Variants in ACSM2B observed in about 807,000 individuals in gnomAD.
The protein encoded by ACSM2B is acyl-coenzyme A synthetase ACSM2B, mitochondrial.
In ACSM2B, 58 loss-of-function variants were observed where a neutral mutation model predicts 78.6. That is an observed-to-expected ratio of 0.74 (90% CI 0.60 to 0.92). The LOEUF (loss-of-function observed/expected upper bound fraction) is 0.92. Ranked by LOEUF, ACSM2B falls within the 40% of genes least tolerant of loss-of-function variation. The probability of loss-of-function intolerance (pLI) is 0.00; values close to 1 mark genes in which losing one functional copy is unlikely to be tolerated. For synonymous variants in ACSM2B, 257 were observed against 256.8 expected (o/e 1.00, Z -0.01); for missense variants, 688 against 711.2 (o/e 0.97, Z 0.37).
chr16:20,553,493 G>C (rs1447908279), intron 5 of ACSM2B, among the ~76,000 whole-genome samples: 1 of 152,208 alleles, frequency 6.6e-6, no homozygotes, highest in Non-Finnish European at 1.5e-5. Context: ...ATAGAGATCA[G>C]CCTGGGGAAA....
chr16:20,573,993 G>T (rs535720226), intron 1 of ACSM2B: 1 of 151,746 alleles, frequency 6.6e-6, no homozygotes, highest in Admixed American at 6.6e-5. Flanking sequence ...GAATTTACCC[G>T]GCTGGAATTT....
intron 8 of ACSM2B, chr16:20,547,064 G>A: frequency 1.1e-6 from 1 of 940,076 alleles, no homozygotes; most frequent in Non-Finnish European, 1.3e-6. Flanking sequence ...ATGCCTCACT[G>A]ACAGAGACAC....
In ACSM2B at chr16:20,537,305, G is replaced by C; in HGVS notation, c.1687C>G (p.Leu563Val). 6.2e-7 allele frequency: 1 copy of C among 1,614,062 alleles called. No individual in the cohort carries two copies. ...TVTGKIQRTK[L>V]RDKEWKMSGK... ...GACATCTTCCACTCCTTGTCTCGAA[G>C]TTTGGTTCGTTGAATTTTCCCTGTG... Residue 563 changes from leucine to valine, a missense_variant, in exon 14 of 14, where the codon CTT (leucine) becomes GTT (valine). Transcript: ENST00000329697.
At chr16:20,537,717 T>A (rs2014883336) in intron 13 of ACSM2B, among the ~76,000 whole-genome samples, 1 of 152,170 alleles carries the variant, frequency 6.6e-6, no homozygotes, top group Non-Finnish European at 1.5e-5. Flanking sequence ...GACTCAGTTT[T>A]CCCACTGAGT....
chr16:20,538,584 G>A (rs2152130222), intron 13 of ACSM2B, among the ~76,000 whole-genome samples: 1 of 152,242 alleles, frequency 6.6e-6, no homozygotes, highest in East Asian at 1.9e-4. Context: ...TGAAAGGAGG[G>A]GGAGGGTGCA....
At chr16:20,574,970 G>A (rs1379681206) in intron 1 of ACSM2B, among the ~76,000 whole-genome samples, 4 of 147,002 alleles carry the variant, frequency 2.7e-5, no homozygotes, top group African/African-American at 5.3e-5. Context: ...TATGGTCAAA[G>A]GTATGATGTA....
At position 20,537,247 on chromosome 16, in the gene ACSM2B, T is replaced by A. The variant is rs1280463693; in HGVS notation, c.*11A>T. 1.2e-6 allele frequency: 2 copies of A among 1,613,742 alleles called. No individual in the cohort carries two copies. The highest frequency in any genetic ancestry group is 1.7e-6 in the Non-Finnish European group (2 of 1,179,632). On this transcript the variant is annotated 3_prime_UTR_variant, in exon 14 of 14. Transcript: ENST00000329697. ...GAAGAGGGGAATCCAAATGAATGTC[T>A]CCTAGACGCCTCACTGCGCACGGGC... is the stretch of plus-strand genomic sequence containing the variant.
At chr16:20,560,559 A>G (rs1410977009) in intron 2 of ACSM2B, among the ~76,000 whole-genome samples, 4 of 152,088 alleles carry the variant, frequency 2.6e-5, no homozygotes, top group Admixed American at 2.6e-4. Flanking sequence ...CACTGTGCAG[A>G]ACTTTGGGCC....
intron 2 of ACSM2B, among the ~76,000 whole-genome samples, chr16:20,563,435 C>A (rs1488828238): frequency 2.6e-5 from 4 of 151,954 alleles, no homozygotes; most frequent in Non-Finnish European, 5.9e-5. Context: ...TTTCATTAGT[C>A]ATTTATTTTG....
At chr16:20,572,287 T>C (rs1386262649) in intron 1 of ACSM2B, among the ~76,000 whole-genome samples, 2 of 145,942 alleles carry the variant, frequency 1.4e-5, no homozygotes, top group African/African-American at 5.2e-5. Context: ...GTGAATTCTC[T>C]CAGTATTTCT....
intron 1 of ACSM2B, among the ~76,000 whole-genome samples, chr16:20,573,540 C>T (rs1218353704): frequency 7.1e-6 from 1 of 140,618 alleles, no homozygotes; most frequent in Non-Finnish European, 1.5e-5. Flanking sequence ...CCCAGCTTCA[C>T]CAGTGTCCTC....
rs560037602 is a variant in ACSM2B, at chr16:20,564,732, C to T, written c.114G>A (p.Gln38=). 1 of 1,613,550 alleles carries T rather than the reference C, an allele frequency of 6.2e-7. No individual in the cohort carries two copies. Among genetic ancestry groups the T allele is most frequent in the Non-Finnish European group, 8.5e-7 (1 of 1,179,732 alleles). The change falls in exon 2 of 14, where the codon CAG becomes CAA. Residue 38 remains glutamine, a synonymous_variant. Coordinates refer to ENST00000329697, the MANE Select transcript of ACSM2B (RefSeq NM_001105069.2). ...CAAAGTTAAACTTGGCCGGCACTTC[C>T]TGGTGGCCCCACTGCAGGGACACCA... is the stretch of plus-strand genomic sequence containing the variant. ...RQLVSLQWGH[Q]EVPAKFNFAS... is the part of the protein sequence containing the mutation.
At chr16:20,552,075 A>T in intron 6 of ACSM2B, 69 bp downstream of exon 6, 1 of 1,526,494 alleles carries the variant, frequency 6.6e-7, no homozygotes, top group Non-Finnish European at 8.8e-7. Context: ...GAAACAAACT[A>T]CAAAAAATTG....
chr16:20,563,173 G>C (rs1195624037), intron 2 of ACSM2B, among the ~76,000 whole-genome samples: 1 of 152,092 alleles, frequency 6.6e-6, no homozygotes, highest in Non-Finnish European at 1.5e-5. Flanking sequence ...ACAACCTTTT[G>C]TATTTGACTA....
chr16:20,544,825 A>C (rs986579032), intron 10 of ACSM2B: 78 of 1,012,328 alleles, frequency 7.7e-5, no homozygotes, highest in Non-Finnish European at 8.8e-5. Flanking sequence ...GATGATACCT[A>C]GGGGAGAGGG....
chr16:20,566,633 AG>A (rs1212861936), intron 1 of ACSM2B, among the ~76,000 whole-genome samples: 6 of 59,928 alleles, frequency 1.0e-4, no homozygotes, highest in East Asian at 1.9e-3. Flanking sequence ...TACTATATAT[AG>A]TATATATATA....
At chr16:20,570,556 G>C (rs2016064597) in intron 1 of ACSM2B, among the ~76,000 whole-genome samples, 1 of 151,740 alleles carries the variant, frequency 6.6e-6, no homozygotes, top group Non-Finnish European at 1.5e-5. Context: ...GTTTGGGTAT[G>C]AGGGTAATAC....
At chr16:20,547,817 A>T in intron 8 of ACSM2B, 1 of 1,063,526 alleles carries the variant, frequency 9.4e-7, no homozygotes. Context: ...GCCATGCTAG[A>T]TATTTCTTAG....
chr16:20,542,799 G>A, intron 12 of ACSM2B, 115 bp downstream of exon 12: 1 of 1,352,020 alleles, frequency 7.4e-7, no homozygotes, highest in Non-Finnish European at 1.0e-6. Flanking sequence ...GTAAGTGGCA[G>A]GGCCAAGATT....
Sources: allele counts gnomAD v4.1 joint callset (sites outside exome capture counted in the v4.1 genomes callset), GRCh38; gene constraint gnomAD v4.1.1; transcripts MANE v1.5; gene names NCBI Gene and HGNC (gene_info 2026-07-23, HGNC 2026-07-21).